TSHZ2: variants seen among roughly 807,000 people sequenced by gnomAD.
TSHZ2 encodes the protein teashirt homolog 2.
Under a neutral mutation model 74.4 loss-of-function variants are expected in TSHZ2, and 21 were observed. That is an observed-to-expected ratio of 0.28 (90% CI 0.20 to 0.41). TSHZ2 has a LOEUF of 0.41. Among genes scored for constraint, TSHZ2 ranks in the 10% least tolerant of loss-of-function variants. The pLI is 1.00. For missense variants in TSHZ2, 1,244 were observed against 1,293.5 expected (o/e 0.96, Z 0.59); for synonymous variants, 540 against 515.3 (o/e 1.05, Z -0.65).
At chr20:53,449,047 A>G (rs1385406237) in intron 2 of TSHZ2, among the ~76,000 whole-genome samples, 1 of 151,840 alleles carries the variant, frequency 6.6e-6, no homozygotes, top group African/African-American at 2.4e-5. Flanking sequence ...AGGCTATGTG[A>G]CTCCTCCAGT....
At chr20:53,363,889 G>A (rs1877832065) in intron 2 of TSHZ2, among the ~76,000 whole-genome samples, 1 of 152,198 alleles carries the variant, frequency 6.6e-6, no homozygotes, top group South Asian at 2.1e-4. Flanking sequence ...TCTTTTATTT[G>A]AGAAAGATTT....
chr20:53,004,210 TGAAATACAAATTTCATCCA>T lies in TSHZ2; in HGVS notation c.40+30908_40+30926del, dbSNP rs573525296. On this transcript the variant is annotated intron_variant, in intron 1 of 2. Coordinates refer to ENST00000371497, the MANE Select transcript of TSHZ2 (RefSeq NM_173485.6). Reference sequence around the variant, plus strand: ...TACAGAATATTTAAGGGTTTCTGGATGAAATACAAATTTCATCCAGAAATACAAATTTCATCCAGAAATA... The same window carrying T: ...TACAGAATATTTAAGGGTTTCTGGATGAAATACAAATTTCATCCAGAAATA... Among the ~76,000 whole-genome samples the T allele has an allele frequency of 5.2e-3, 791 of 152,182 alleles. 12 individuals carry two copies. Among genetic ancestry groups the T allele is most frequent in the African/African-American group, 0.017 (694 of 41,510 alleles).
At chr20:53,276,699 G>A (rs1021049607) in intron 2 of TSHZ2, among the ~76,000 whole-genome samples, 3 of 152,138 alleles carry the variant, frequency 2.0e-5, no homozygotes, top group Non-Finnish European at 2.9e-5. Flanking sequence ...AGGACTGAGC[G>A]CCATCCCCCG....
At chr20:53,103,572 T>C (rs1986278786) in intron 1 of TSHZ2, among the ~76,000 whole-genome samples, 1 of 152,066 alleles carries the variant, frequency 6.6e-6, no homozygotes, top group Non-Finnish European at 1.5e-5. Flanking sequence ...AATGGAAGTA[T>C]AGAATAACTT....
chr20:52,983,483 T>C (rs1159320393), intron 1 of TSHZ2, among the ~76,000 whole-genome samples: 1 of 152,222 alleles, frequency 6.6e-6, no homozygotes, highest in Non-Finnish European at 1.5e-5. Flanking sequence ...AATGAATAAA[T>C]GAAACTGTAA....
chr20:53,312,177 A>G (rs997060740), intron 2 of TSHZ2, among the ~76,000 whole-genome samples: 3 of 152,232 alleles, frequency 2.0e-5, no homozygotes, highest in Non-Finnish European at 4.4e-5. Flanking sequence ...GGCGGAGTGC[A>G]ATAAATATGT....
At chr20:53,148,001 AC>A (rs1987585500) in intron 1 of TSHZ2, among the ~76,000 whole-genome samples, 3 of 152,328 alleles carry the variant, frequency 2.0e-5, no homozygotes, top group Admixed American at 2.0e-4. Flanking sequence ...GGCGTGAGCC[AC>A]CATGCCCGGC....
intron 2 of TSHZ2, among the ~76,000 whole-genome samples, chr20:53,460,038 G>C (rs1403847991): frequency 1.3e-5 from 2 of 151,952 alleles, no homozygotes; most frequent in Non-Finnish European, 2.9e-5. Flanking sequence ...ATGTGTCTTG[G>C]AGTTGCTCTT....
rs144248100 is a variant in TSHZ2, at chr20:53,002,348, T to C, written c.40+29015T>C. ...TTTAACTCTGAGTAAATTTCATACTTTGTGGAGCGTCCATCAGCCAATCAC... is the reference window on the plus strand; with the variant it reads ...TTTAACTCTGAGTAAATTTCATACTCTGTGGAGCGTCCATCAGCCAATCAC... On this transcript the variant is annotated intron_variant, in intron 1 of 2. Coordinates refer to ENST00000371497, the MANE Select transcript of TSHZ2 (RefSeq NM_173485.6). 5.7e-3 allele frequency among the ~76,000 whole-genome samples: 874 copies of C among 152,294 alleles called. 14 individuals carry two copies. The highest frequency in any genetic ancestry group is 0.02 in the African/African-American group (839 of 41,546).
intron 2 of TSHZ2, among the ~76,000 whole-genome samples, chr20:53,452,109 G>A (rs933295662): frequency 6.6e-6 from 1 of 152,248 alleles, no homozygotes; most frequent in African/African-American, 2.4e-5. Context: ...GATGACTAAT[G>A]AAGGGGACAG....
intron 1 of TSHZ2, among the ~76,000 whole-genome samples, chr20:53,128,625 G>A (rs550789358): frequency 6.6e-6 from 1 of 151,932 alleles, no homozygotes; most frequent in Admixed American, 6.6e-5. Context: ...AAATGAGCAG[G>A]AGCACTTTTT....
intron 1 of TSHZ2, among the ~76,000 whole-genome samples, chr20:53,054,477 C>CA (rs1213136109): frequency 1.3e-5 from 2 of 152,172 alleles, no homozygotes; most frequent in Non-Finnish European, 2.9e-5. Flanking sequence ...AAATATTACA[C>CA]AGTGTGAACA....
chr20:53,294,014 C>A (rs761814803), intron 2 of TSHZ2, among the ~76,000 whole-genome samples: 3 of 152,036 alleles, frequency 2.0e-5, no homozygotes, highest in Non-Finnish European at 4.4e-5. Context: ...GAGACTCCAT[C>A]TCAAAAAAAA....
At chr20:53,108,786 G>C (rs1229092621) in intron 1 of TSHZ2, among the ~76,000 whole-genome samples, 1 of 152,190 alleles carries the variant, frequency 6.6e-6, no homozygotes, top group Non-Finnish European at 1.5e-5. Flanking sequence ...ATCCTCAAGA[G>C]TAACAGAGCC....
At chr20:52,987,465 T>A (rs939622267) in intron 1 of TSHZ2, among the ~76,000 whole-genome samples, 1 of 150,116 alleles carries the variant, frequency 6.7e-6, no homozygotes, top group Admixed American at 6.9e-5. Flanking sequence ...CTCCTCTCTC[T>A]CTCTCTTTCT....
intron 1 of TSHZ2, among the ~76,000 whole-genome samples, chr20:53,238,409 T>C (rs1370867655): frequency 6.6e-6 from 1 of 152,120 alleles, no homozygotes; most frequent in Admixed American, 6.6e-5. Context: ...TATCATAGAA[T>C]TGTGAAATGG....
At chr20:53,114,109 AAAG>A (rs1986606399) in intron 1 of TSHZ2, among the ~76,000 whole-genome samples, 2 of 150,930 alleles carry the variant, frequency 1.3e-5, no homozygotes, top group Middle Eastern at 3.4e-3. Flanking sequence ...AAAAAAAAAA[AAAG>A]AAAGAAAAAA....
At chr20:53,337,197 G>T (rs1209903239) in intron 2 of TSHZ2, among the ~76,000 whole-genome samples, 3 of 152,108 alleles carry the variant, frequency 2.0e-5, no homozygotes, top group Admixed American at 2.0e-4. Flanking sequence ...CTTATTCAAC[G>T]GATTGAATTC....
chr20:53,080,305 A>G (rs1600680095), intron 1 of TSHZ2, among the ~76,000 whole-genome samples: 1 of 152,318 alleles, frequency 6.6e-6, no homozygotes, highest in African/African-American at 2.4e-5. Flanking sequence ...AGTAGTTTTC[A>G]ACTTGGTCTT....
Sources: allele counts gnomAD v4.1 joint callset (sites outside exome capture counted in the v4.1 genomes callset), GRCh38; gene constraint gnomAD v4.1.1; transcripts MANE v1.5; gene names NCBI Gene and HGNC (gene_info 2026-07-23, HGNC 2026-07-21).